The following GRM3 variants were observed in gnomAD, a reference collection of about 807,000 sequenced individuals.
GRM3 encodes the protein glutamate metabotropic receptor 3.
A neutral mutation model predicts 70.5 loss-of-function variants in GRM3; 26 were observed. The ratio of observed to expected loss-of-function variants is 0.37; its 90% CI spans 0.27 to 0.51. The LOEUF (loss-of-function observed/expected upper bound fraction) is 0.51. GRM3 is among the 20% of genes least tolerant of loss of function. The probability of loss-of-function intolerance (pLI) is 0.93; values close to 1 mark genes in which losing one functional copy is unlikely to be tolerated. For synonymous variants in GRM3, 443 were observed against 434.9 expected, an observed-to-expected ratio of 1.02 and a Z score of -0.23; for missense variants, 859 against 1,123.8, an observed-to-expected ratio of 0.76 and a Z score of 3.37.
At chr7:86,802,606 A>G (rs1284185486) in intron 3 of GRM3, among the ~76,000 whole-genome samples, 1 of 152,100 alleles carries the variant, frequency 6.6e-6, no homozygotes, top group Non-Finnish European at 1.5e-5. Context: ...TTGAAAAAAA[A>G]AAAACGTAAT....
At chr7:86,649,142 T>G (rs1793547966) in intron 1 of GRM3, among the ~76,000 whole-genome samples, 1 of 152,296 alleles carries the variant, frequency 6.6e-6, no homozygotes, top group Admixed American at 6.5e-5. Flanking sequence ...CACGAAATAA[T>G]TTTTAAACAA....
rs1390169638 is a variant in GRM3 at position 86,839,825 on chromosome 7, A to T, written c.2311A>T (p.Ile771Leu). 3 of 1,613,992 alleles carry T rather than the reference A, an allele frequency of 1.9e-6. No homozygotes were observed. Among genetic ancestry groups the T allele is most frequent in the Non-Finnish European group, 1.7e-6 (2 of 1,179,966 alleles). Residue 771 changes from isoleucine to leucine, a missense_variant, in exon 4 of 6, where the codon ATA becomes TTA. Transcript: ENST00000361669. This position sits in a 1 kb window ranked among gnomAD's most constrained non-coding sequence, Gnocchi z 4.5. ...CPENFNEAKFIGFTMYTTCII... is the reference protein window; with the variant it reads ...CPENFNEAKFLGFTMYTTCII... ...AGAAAATTTCAACGAAGCTAAGTTC[A>T]TAGGTTTTACCATGTACACCACGTG...
intron 5 of GRM3, 62 bp from the exon 6 acceptor site, chr7:86,864,220 T>G (rs1443842947): frequency 1.2e-6 from 1 of 837,156 alleles, no homozygotes; most frequent in East Asian, 2.4e-5. Context: ...GTATCCTTCA[T>G]GCTATTACCT....
Position 86,786,287 on chromosome 7 carries a change from G to A in GRM3, c.495G>A (p.Gln165=). 1.9e-6 allele frequency: 3 copies of A among 1,613,644 alleles called. No homozygotes were observed. Among genetic ancestry groups the A allele is most frequent in the Non-Finnish European group, 2.5e-6 (3 of 1,179,692 alleles). The change falls in exon 3 of 6, where the codon CAG becomes CAA. Residue 165 remains glutamine, a synonymous_variant. Transcript: ENST00000361669. The surrounding 1 kb of genome is among the most constrained non-coding windows in gnomAD (Gnocchi z 6.0). The part of the protein sequence containing the change: ...IQVANLLRLF[Q]IPQISYASTS... ...TGGCAAACCTGCTGCGGCTCTTCCA[G>A]ATCCCTCAGATCAGCTACGCATCCA...
intron 1 of GRM3, among the ~76,000 whole-genome samples, chr7:86,661,118 T>C (rs147110953): frequency 3.9e-5 from 6 of 152,134 alleles, no homozygotes; most frequent in African/African-American, 1.4e-4. Flanking sequence ...ATAAAGTCTA[T>C]AGGAGAATGG....
intron 3 of GRM3, among the ~76,000 whole-genome samples, chr7:86,821,280 C>T (rs930943685): frequency 6.6e-6 from 1 of 151,336 alleles, no homozygotes; most frequent in African/African-American, 2.4e-5. Context: ...TGCTATAGCT[C>T]ATATAATTCT....
At chr7:86,789,465 G>A (rs1584245622) in intron 3 of GRM3, among the ~76,000 whole-genome samples, 1 of 152,222 alleles carries the variant, frequency 6.6e-6, no homozygotes. Flanking sequence ...AAGATTATAA[G>A]TATGTATGCA....
intron 1 of GRM3, among the ~76,000 whole-genome samples, chr7:86,709,109 C>T (rs1795133144): frequency 6.6e-6 from 1 of 151,968 alleles, no homozygotes; most frequent in South Asian, 2.1e-4. Context: ...CCCTATGTGC[C>T]CTTGTTTGAG....
intron 5 of GRM3, among the ~76,000 whole-genome samples, chr7:86,856,650 T>TTTTACTCC (rs1024672182): frequency 1.3e-5 from 2 of 152,112 alleles, no homozygotes; most frequent in African/African-American, 4.8e-5. Flanking sequence ...TTCCATTCCC[T>TTTTACTCC]TTTACTCCCT....
intron 1 of GRM3, among the ~76,000 whole-genome samples, chr7:86,662,016 G>C (rs577791202): frequency 5.3e-5 from 8 of 151,798 alleles, no homozygotes; most frequent in African/African-American, 1.7e-4. Flanking sequence ...AAAATGAATG[G>C]TATCAGGGTT....
chr7:86,670,667 G>T (rs889120396), intron 1 of GRM3, among the ~76,000 whole-genome samples: 1 of 151,932 alleles, frequency 6.6e-6, no homozygotes, highest in Non-Finnish European at 1.5e-5. Context: ...CATCTTAATC[G>T]TCTTGTACAT....
chr7:86,702,985 T>C (rs1794977289), intron 1 of GRM3, among the ~76,000 whole-genome samples: 2 of 151,982 alleles, frequency 1.3e-5, no homozygotes. Context: ...ATAAACTTTC[T>C]TCAGTTAAAC....
At chr7:86,843,157 C>T (rs937544439) in intron 4 of GRM3, among the ~76,000 whole-genome samples, 8 of 152,168 alleles carry the variant, frequency 5.3e-5, no homozygotes, top group African/African-American at 1.9e-4. Context: ...AACAAACCTT[C>T]CTGATCAACT....
chr7:86,695,761 T>C (rs1050595360), intron 1 of GRM3, among the ~76,000 whole-genome samples: 7 of 152,308 alleles, frequency 4.6e-5, no homozygotes, highest in African/African-American at 1.4e-4. Flanking sequence ...TAACACTTAC[T>C]AGGAGTTTTT....
chr7:86,661,716 G>A (rs958575630), intron 1 of GRM3, among the ~76,000 whole-genome samples: 2 of 151,946 alleles, frequency 1.3e-5, no homozygotes, highest in East Asian at 3.9e-4. Flanking sequence ...AATTTTTACA[G>A]AATAAAAAAC....
chr7:86,702,799 G>C (rs1283759568), intron 1 of GRM3, among the ~76,000 whole-genome samples: 1 of 151,950 alleles, frequency 6.6e-6, no homozygotes, highest in Non-Finnish European at 1.5e-5. Context: ...CACAGTTCTT[G>C]ATTTAGACCA....
intron 5 of GRM3, among the ~76,000 whole-genome samples, chr7:86,854,186 C>T (rs544790628): frequency 8.5e-5 from 13 of 152,204 alleles, no homozygotes; most frequent in African/African-American, 3.1e-4. Context: ...GACACAATCT[C>T]GTATAATACC....
At chr7:86,707,110 A>G (rs2116141800) in intron 1 of GRM3, among the ~76,000 whole-genome samples, 1 of 152,208 alleles carries the variant, frequency 6.6e-6, no homozygotes, top group Admixed American at 6.6e-5. Flanking sequence ...ACTTGTTTGG[A>G]AGGTCCTTGA....
At chr7:86,843,901 T>C (rs1182055246) in intron 4 of GRM3, among the ~76,000 whole-genome samples, 1 of 152,156 alleles carries the variant, frequency 6.6e-6, no homozygotes, top group Non-Finnish European at 1.5e-5. Flanking sequence ...TCTCAAATTT[T>C]AACGTGCATG....
Sources: allele counts gnomAD v4.1 joint callset (sites outside exome capture counted in the v4.1 genomes callset), GRCh38; gene constraint gnomAD v4.1.1; non-coding constraint Gnocchi (gnomAD v3.1); transcripts MANE v1.5; gene names NCBI Gene and HGNC (gene_info 2026-07-23, HGNC 2026-07-21).